The following ADGRL2 variants were observed in gnomAD, a reference collection of about 807,000 sequenced individuals.
The protein encoded by ADGRL2 is calcium-independent alpha-latrotoxin receptor 2.
ADGRL2 carries 44 observed loss-of-function variants against 157.4 expected under a neutral mutation model. The observed-to-expected ratio is 0.28, with a 90% CI of 0.22 to 0.36. ADGRL2 has a LOEUF of 0.36. Ranked by LOEUF, ADGRL2 falls within the 10% of genes least tolerant of loss-of-function variation. ADGRL2 has a pLI of 1.00. For synonymous variants in ADGRL2, 585 were observed against 624.7 expected, an observed-to-expected ratio of 0.94 and a Z score of 0.95; for missense variants, 1,510 against 1,768.9, an observed-to-expected ratio of 0.85 and a Z score of 2.63.
At chr1:81,623,483 G>A (rs1382762201) in intron 3 of ADGRL2, among the ~76,000 whole-genome samples, 1 of 152,110 alleles carries the variant, frequency 6.6e-6, no homozygotes, top group Non-Finnish European at 1.5e-5. Context: ...TGTGGGTTGA[G>A]TTGTGTCCCT....
chr1:81,695,485 C>A (rs1466428974), upstream of ADGRL2, among the ~76,000 whole-genome samples: 1 of 152,092 alleles, frequency 6.6e-6, no homozygotes, highest in Non-Finnish European at 1.5e-5. Flanking sequence ...TTCTGTGTCA[C>A]CCCTTGGATT....
At chr1:81,814,608 T>G (rs929262228) in intron 1 of ADGRL2, among the ~76,000 whole-genome samples, 5 of 151,414 alleles carry the variant, frequency 3.3e-5, no homozygotes, top group Non-Finnish European at 7.4e-5. Context: ...ATTGCTCTTG[T>G]TATTCCCAGG....
chr1:81,650,411 T>TA (rs1253226056), intron 3 of ADGRL2, among the ~76,000 whole-genome samples: 1 of 151,136 alleles, frequency 6.6e-6, no homozygotes, highest in Non-Finnish European at 1.5e-5. Flanking sequence ...CCATCTCTAC[T>TA]AAAAAAATAC....
intron 1 of ADGRL2, among the ~76,000 whole-genome samples, chr1:81,324,508 C>CA (rs774902261): frequency 0.012 from 1,300 of 108,342 alleles, 16 homozygotes; most frequent in African/African-American, 0.029. Context: ...GACCCTGTCT[C>CA]AAAAAAAAAA....
At chr1:81,612,123 A>G (rs1228021442) in intron 3 of ADGRL2, among the ~76,000 whole-genome samples, 1 of 152,186 alleles carries the variant, frequency 6.6e-6, no homozygotes, top group African/African-American at 2.4e-5. Flanking sequence ...ATGGAGGAAT[A>G]CACCTGCAGA....
chr1:81,907,092 G>A lies in ADGRL2; in HGVS notation c.149G>A (p.Arg50Gln). The change falls in exon 3 of 24, where the codon CGA becomes CAA. Residue 50 changes from arginine to glutamine, a missense_variant. By Grantham distance (43) the Arg-to-Gln change is conservative (BLOSUM62 1). Transcript: ENST00000686636. ...LSCEGYSIDL[R>Q]CPGSDVIMIE... Reference sequence around the variant, plus strand: ...TGTGAAGGTTATTCTATAGATCTGCGATGCCCGGGCAGTGATGTCATCATG... The same window carrying A: ...TGTGAAGGTTATTCTATAGATCTGCAATGCCCGGGCAGTGATGTCATCATG... The A allele has an allele frequency of 6.2e-7, 1 of 1,614,046 alleles. No individual in the cohort carries two copies. The highest frequency in any genetic ancestry group is 8.5e-7 in the Non-Finnish European group (1 of 1,179,986).
intron 3 of ADGRL2, among the ~76,000 whole-genome samples, chr1:81,691,327 CTT>C: frequency 1.6e-5 from 1 of 61,174 alleles, no homozygotes; most frequent in African/African-American, 6.5e-5. Flanking sequence ...TGCTTGTTTT[CTT>C]TTTTTTTTTA....
At chr1:81,392,555 A>G (rs1451725703) in intron 1 of ADGRL2, among the ~76,000 whole-genome samples, 1 of 152,178 alleles carries the variant, frequency 6.6e-6, no homozygotes, top group Non-Finnish European at 1.5e-5. Flanking sequence ...CTAAAATGCC[A>G]TACTTGGATT....
At chr1:81,852,860 T>G (rs1198171207) in intron 2 of ADGRL2, among the ~76,000 whole-genome samples, 6 of 152,166 alleles carry the variant, frequency 3.9e-5, no homozygotes, top group African/African-American at 1.4e-4. Flanking sequence ...CTTTTTAGCT[T>G]TATTAAATTA....
chr1:81,479,540 T>C (rs2078342620), intron 2 of ADGRL2, among the ~76,000 whole-genome samples: 1 of 152,072 alleles, frequency 6.6e-6, no homozygotes, highest in Non-Finnish European at 1.5e-5. Flanking sequence ...AGGCATCAGA[T>C]ACCCACATTT....
chr1:81,315,995 A>G (rs1660080605), intron 1 of ADGRL2, among the ~76,000 whole-genome samples: 1 of 152,014 alleles, frequency 6.6e-6, no homozygotes, highest in South Asian at 2.1e-4. Flanking sequence ...ACTCATATTT[A>G]TTTCCTCATC....
intron 2 of ADGRL2, among the ~76,000 whole-genome samples, chr1:81,482,755 T>C (rs1401936868): frequency 6.6e-6 from 1 of 151,944 alleles, no homozygotes; most frequent in African/African-American, 2.4e-5. Flanking sequence ...CTATAGGTTA[T>C]CATTCTGTCT....
chr1:81,350,863 T>A (rs1394379712), intron 1 of ADGRL2, among the ~76,000 whole-genome samples: 1 of 152,202 alleles, frequency 6.6e-6, no homozygotes, highest in Admixed American at 6.5e-5. Flanking sequence ...TATTAGCATA[T>A]CTTTGATCAT....
chr1:81,654,340 T>A (rs1460841964), intron 3 of ADGRL2, among the ~76,000 whole-genome samples: 1 of 152,168 alleles, frequency 6.6e-6, no homozygotes, highest in Non-Finnish European at 1.5e-5. Context: ...CTTTTGTTTG[T>A]TCCACCTTCC....
At chr1:81,806,987 A>G (rs927859618) in intron 1 of ADGRL2, among the ~76,000 whole-genome samples, 2 of 152,030 alleles carry the variant, frequency 1.3e-5, no homozygotes, top group African/African-American at 4.8e-5. Flanking sequence ...TTTCTGCAGA[A>G]AAGATTTATG....
Position 81,729,813 on chromosome 1 carries a change from A to G in ADGRL2, c.-143+30005A>G, listed in dbSNP as rs574456455. 4.6e-5 allele frequency among the ~76,000 whole-genome samples: 7 copies of G among 152,348 alleles called. No individual in the cohort carries two copies. In the East Asian group the frequency reaches 1.4e-3, roughly 29 times the overall value. On this transcript the variant is annotated intron_variant, in intron 1 of 20. Coordinates refer to the ADGRL2 transcript ENST00000359929. Reference sequence around the variant, plus strand: ...AAATCAAGCCATCTCCATCATTAATATCATTCTGGCCATATACTCTGGGTC... The same window carrying G: ...AAATCAAGCCATCTCCATCATTAATGTCATTCTGGCCATATACTCTGGGTC...
chr1:81,768,783 C>T (rs2086237053), intron 2 of ADGRL2, among the ~76,000 whole-genome samples: 1 of 152,084 alleles, frequency 6.6e-6, no homozygotes, highest in Admixed American at 6.6e-5. Context: ...TTCTTTTTAA[C>T]CAATTTTAAA....
At chr1:81,367,788 G>A (rs1414766875) in intron 1 of ADGRL2, among the ~76,000 whole-genome samples, 2 of 152,146 alleles carry the variant, frequency 1.3e-5, no homozygotes, top group South Asian at 2.1e-4. Flanking sequence ...CTGACCTCAG[G>A]TGATCCGTCC....
At chr1:81,609,041 A>AT (rs11348276) in intron 3 of ADGRL2, among the ~76,000 whole-genome samples, 3,248 of 145,958 alleles carry the variant, frequency 0.022, 62 homozygotes, top group African/African-American at 0.052. Flanking sequence ...TGTACAAGTG[A>AT]TTTTTTTTTT....
Sources: allele counts gnomAD v4.1 joint callset (sites outside exome capture counted in the v4.1 genomes callset), GRCh38; gene constraint gnomAD v4.1.1; transcripts MANE v1.5; gene names NCBI Gene and HGNC (gene_info 2026-07-23, HGNC 2026-07-21).